The following NRG3 variants were observed in gnomAD, a reference collection of about 807,000 sequenced individuals.
NRG3 encodes neuregulin 3.
Under a neutral mutation model 66.9 loss-of-function variants are expected in NRG3, and 31 were observed. That is an observed-to-expected ratio of 0.46 (90% CI 0.35 to 0.63). The LOEUF (loss-of-function observed/expected upper bound fraction) is 0.63. Among genes scored for constraint, NRG3 ranks in the 20% least tolerant of loss-of-function variants. NRG3 has a pLI of 0.00. For missense variants in NRG3, 910 were observed against 878.9 expected, an observed-to-expected ratio of 1.04 and a Z score of -0.45; for synonymous variants, 393 against 359.4, an observed-to-expected ratio of 1.09 and a Z score of -1.06.
intron 2 of NRG3, among the ~76,000 whole-genome samples, chr10:82,364,842 G>T (rs1010514493): frequency 6.6e-6 from 1 of 152,162 alleles, no homozygotes; most frequent in Non-Finnish European, 1.5e-5. Context: ...CAGCCCAATA[G>T]CTACCATTGC....
At chr10:82,301,662 ATG>A (rs1270604305) in intron 1 of NRG3, among the ~76,000 whole-genome samples, 2 of 145,002 alleles carry the variant, frequency 1.4e-5, no homozygotes, top group African/African-American at 2.5e-5. Flanking sequence ...TTTTATTTAT[ATG>A]TATATGTATA....
At chr10:82,561,761 A>G (rs1209108042) in intron 2 of NRG3, among the ~76,000 whole-genome samples, 1 of 152,118 alleles carries the variant, frequency 6.6e-6, no homozygotes, top group Non-Finnish European at 1.5e-5. Flanking sequence ...ATTCTCCACC[A>G]TATTCTCTGT....
At chr10:82,662,728 G>A (rs1017184657) in intron 2 of NRG3, among the ~76,000 whole-genome samples, 1 of 152,096 alleles carries the variant, frequency 6.6e-6, no homozygotes, top group Non-Finnish European at 1.5e-5. Flanking sequence ...AGATCCTCTT[G>A]ACTTGACCAA....
intron 8 of NRG3, among the ~76,000 whole-genome samples, chr10:82,980,156 C>T (rs1409771036): frequency 6.6e-6 from 1 of 151,586 alleles, no homozygotes; most frequent in Non-Finnish European, 1.5e-5. Flanking sequence ...ACTGAGTGCA[C>T]ATGGTGCTAC....
intron 4 of NRG3, among the ~76,000 whole-genome samples, chr10:82,881,676 G>A (rs927391381): frequency 1.3e-5 from 2 of 152,176 alleles, no homozygotes; most frequent in Non-Finnish European, 2.9e-5. Flanking sequence ...TATGCTGTGA[G>A]ACATGGGCTA....
At chr10:82,688,995 G>A (rs1278707631) in intron 2 of NRG3, among the ~76,000 whole-genome samples, 2 of 152,186 alleles carry the variant, frequency 1.3e-5, no homozygotes, top group South Asian at 2.1e-4. Flanking sequence ...ATCTTTTAAA[G>A]CTTTCTTAGT....
At chr10:82,238,865 A>G (rs1427382302) in intron 1 of NRG3, among the ~76,000 whole-genome samples, 2 of 127,848 alleles carry the variant, frequency 1.6e-5, no homozygotes, top group African/African-American at 5.7e-5. Context: ...TCTGCAGCTA[A>G]AAGGCCTATG....
intron 1 of NRG3, among the ~76,000 whole-genome samples, chr10:82,218,942 A>T (rs1342113448): frequency 6.6e-6 from 1 of 152,104 alleles, no homozygotes; most frequent in Admixed American, 6.6e-5. Context: ...CTAAGAAAGG[A>T]GACCAATCTA....
chr10:82,031,383 A>G (rs1302400219), intron 1 of NRG3, among the ~76,000 whole-genome samples: 3 of 152,104 alleles, frequency 2.0e-5, no homozygotes, highest in East Asian at 1.9e-4. Context: ...GCCTCTTTCA[A>G]CCTTTAATTA....
intron 1 of NRG3, among the ~76,000 whole-genome samples, chr10:82,167,128 C>T (rs1013996716): frequency 3.3e-5 from 5 of 152,038 alleles, no homozygotes; most frequent in South Asian, 4.2e-4. Context: ...TCTATTTCAA[C>T]TGATTGAATT....
intron 1 of NRG3, among the ~76,000 whole-genome samples, chr10:82,311,848 C>T (rs1169642207): frequency 2.6e-5 from 4 of 152,274 alleles, no homozygotes; most frequent in South Asian, 2.1e-4. Context: ...GTAGACCTGA[C>T]GTTCATTTCC....
chr10:82,463,072 A>G (rs2091596203), intron 2 of NRG3, among the ~76,000 whole-genome samples: 1 of 152,154 alleles, frequency 6.6e-6, no homozygotes, highest in Admixed American at 6.5e-5. Context: ...TGGCCTCCTT[A>G]GGATTGGATG....
At chr10:81,923,866 C>A (rs2132901606) in intron 1 of NRG3, among the ~76,000 whole-genome samples, 1 of 152,306 alleles carries the variant, frequency 6.6e-6, no homozygotes, top group Admixed American at 6.5e-5. Flanking sequence ...ACTCTGCTAG[C>A]AGAGGCCTTT....
chr10:82,369,965 G>A lies in NRG3; in HGVS notation c.953+11097G>A, dbSNP rs1258205846. 2.9e-5 allele frequency among the ~76,000 whole-genome samples: 4 copies of A among 138,148 alleles called. 1 individual carries two copies. Among genetic ancestry groups the A allele is most frequent in the African/African-American group, 6.7e-5 (2 of 29,686 alleles). The allele number at this position is 138,148 out of a possible 152,430, so 90.6% of individuals were successfully genotyped here. Reference sequence around the variant, plus strand: ...CCCCCAGCTGAAACCCCTGAAGGAGGGGAAGCATGCAGAAGGGCAGTGCAG... The same window carrying A: ...CCCCCAGCTGAAACCCCTGAAGGAGAGGAAGCATGCAGAAGGGCAGTGCAG... On this transcript the variant is annotated intron_variant, in intron 2 of 8. Transcript: ENST00000372141.
rs369897234 is a variant in NRG3, at chr10:82,437,002, C to A, written c.953+78134C>A. On this transcript the variant is annotated intron_variant, in intron 2 of 8. Coordinates refer to ENST00000372141, the MANE Select transcript of NRG3 (RefSeq NM_001010848.4). The stretch of plus-strand genomic sequence containing the variant: ...TTCATTTTAACCTTGGAGAATCTGA[C>A]GATTATGTGTCTTGGGGTTGATCTT... Among the ~76,000 whole-genome samples, 29 of 152,078 alleles carry A rather than the reference C, an allele frequency of 1.9e-4. 1 individual carries two copies. Among genetic ancestry groups the A allele is most frequent in the African/African-American group, 7.0e-4 (29 of 41,496 alleles).
chr10:82,856,769 A>AAAAG (rs2063833785), intron 3 of NRG3, among the ~76,000 whole-genome samples: 1 of 151,074 alleles, frequency 6.6e-6, no homozygotes, highest in African/African-American at 2.4e-5. Context: ...AAAAAAAAAA[A>AAAAG]AAAAGAAAAG....
intron 4 of NRG3, among the ~76,000 whole-genome samples, chr10:82,869,768 C>T (rs1045526366): frequency 2.6e-5 from 4 of 151,654 alleles, no homozygotes; most frequent in Admixed American, 1.3e-4. Flanking sequence ...TCACCATGCC[C>T]GGCTAATTTT....
chr10:81,992,478 C>T (rs1037670135), intron 1 of NRG3, among the ~76,000 whole-genome samples: 16 of 152,080 alleles, frequency 1.1e-4, no homozygotes, highest in African/African-American at 3.4e-4. Flanking sequence ...TAAATAGATA[C>T]GTTATAAATA....
At chr10:82,982,090 G>A (rs2132676153) in intron 8 of NRG3, among the ~76,000 whole-genome samples, 1 of 152,190 alleles carries the variant, frequency 6.6e-6, no homozygotes, top group African/African-American at 2.4e-5. Context: ...AAATCAACAA[G>A]GAATGTGAAG....
Sources: allele counts gnomAD v4.1 joint callset (sites outside exome capture counted in the v4.1 genomes callset), GRCh38; gene constraint gnomAD v4.1.1; transcripts MANE v1.5; gene names NCBI Gene and HGNC (gene_info 2026-07-23, HGNC 2026-07-21).